The following EML6 variants were observed in gnomAD, a reference collection of about 807,000 sequenced individuals.
The protein encoded by EML6 is EMAP like 6.
A neutral mutation model predicts 240.1 loss-of-function variants in EML6; 154 were observed. The ratio of observed to expected loss-of-function variants is 0.64; its 90% CI spans 0.56 to 0.73. The LOEUF (loss-of-function observed/expected upper bound fraction) is 0.73, where lower values mean the gene tolerates loss of function less well. Ranked by LOEUF, EML6 falls within the 30% of genes least tolerant of loss-of-function variation. EML6 has a pLI of 0.00. For missense variants in EML6, 2,964 were observed against 2,474.6 expected (o/e 1.20, Z -4.20); for synonymous variants, 1,148 against 899.0 (o/e 1.28, Z -4.95).
Position 54,916,758 on chromosome 2 carries a change from G to C in EML6, c.3499-1G>C. On this transcript the variant is annotated splice_acceptor_variant, in intron 25 of 41. Coordinates refer to ENST00000356458, the MANE Select transcript of EML6 (RefSeq NM_001039753.4). LOFTEE classifies it high-confidence loss of function. Reference sequence around the variant, plus strand: ...TATCATTCTCTTTCGTTCTTTTTCAGATCGAGAAGATAGAGTGGGACACAT... The same window carrying C: ...TATCATTCTCTTTCGTTCTTTTTCACATCGAGAAGATAGAGTGGGACACAT... 3 of 1,485,448 alleles carry C rather than the reference G, an allele frequency of 2.0e-6. No homozygotes were observed. The highest frequency in any genetic ancestry group is 9.1e-7 in the Non-Finnish European group (1 of 1,103,660). The allele number at this position is 1,485,448 out of a possible 1,614,324, so 92.0% of individuals were successfully genotyped here.
rs556174100 is a variant in EML6, at chr2:54,889,925, G to C, written c.2439-1129G>C. On this transcript the variant is annotated intron_variant, in intron 17 of 41. Transcript: ENST00000356458. ...CAGTGTGTTCTATCTTTAAAGAAAA[G>C]ATAATGACACATAGCATGTTTGGAG... 1.8e-3 allele frequency among the ~76,000 whole-genome samples: 279 copies of C among 152,330 alleles called. 1 individual carries two copies. Among genetic ancestry groups the C allele is most frequent in the African/African-American group, 6.5e-3 (270 of 41,580 alleles).
At position 54,963,997 on chromosome 2, in the gene EML6, C is replaced by G; in HGVS notation, c.5169C>G (p.Asn1723Lys). Residue 1723 changes from asparagine (N) to lysine (K), a missense_variant, in exon 37 of 42, where the codon AAC becomes AAG. Transcript: ENST00000356458. ...IWDLADKKLLNKVSLGHAARC... is the reference protein window; with the variant it reads ...IWDLADKKLLKKVSLGHAARC... ...TTGCATCAATGTAGAAGCTGTTAAA[C>G]AAGGTGAGCTTGGGCCATGCGGCCA... 6.5e-7 allele frequency: 1 copy of G among 1,550,086 alleles called. No homozygotes were observed. Among genetic ancestry groups the G allele is most frequent in the African/African-American group, 1.4e-5 (1 of 73,060 alleles).
intron 40 of EML6, among the ~76,000 whole-genome samples, 176 bp from the exon 41 acceptor site, chr2:54,968,492 C>T (rs780384599): frequency 6.6e-6 from 1 of 152,090 alleles, no homozygotes; most frequent in Non-Finnish European, 1.5e-5. Context: ...TGAAGTGGGG[C>T]AAGGATGAGA....
At chr2:54,748,020 A>G (rs1027475224) in intron 2 of EML6, among the ~76,000 whole-genome samples, 2 of 152,182 alleles carry the variant, frequency 1.3e-5, no homozygotes, top group African/African-American at 2.4e-5. Context: ...TAAAATGTGC[A>G]AGGTATTCCA....
At chr2:54,841,007 C>G (rs1306976019) in intron 7 of EML6, among the ~76,000 whole-genome samples, 1 of 152,216 alleles carries the variant, frequency 6.6e-6, no homozygotes, top group Non-Finnish European at 1.5e-5. Flanking sequence ...CCTGCAGGAG[C>G]TGAGAAAAAC....
rs928137761 is a variant in EML6 at position 54,724,650 on chromosome 2, C to G, written c.-412C>G. 1 of 152,404 alleles carries G rather than the reference C, an allele frequency of 6.6e-6. No individual in the cohort carries two copies. 9.4% of individuals were successfully genotyped at this position (152,404 alleles called of 1,614,324 possible). ...TAAATCCCGCCGCCTGCCGCGAAGC[C>G]CCGGCGCACCGCAAACTTCAGTGAG... On this transcript the variant is annotated 5_prime_UTR_variant, in exon 2 of 42. Transcript: ENST00000356458. This position sits in a 1 kb window ranked among gnomAD's most constrained non-coding sequence, Gnocchi z 5.2.
intron 2 of EML6, among the ~76,000 whole-genome samples, chr2:54,727,655 T>G (rs1682970845): frequency 1.3e-5 from 2 of 152,264 alleles, no homozygotes; most frequent in Non-Finnish European, 2.9e-5. Flanking sequence ...GTTTTGGTTT[T>G]TTATTGAATC....
chr2:54,827,114 A>T (rs942866733), intron 5 of EML6, among the ~76,000 whole-genome samples: 1 of 152,230 alleles, frequency 6.6e-6, no homozygotes, highest in East Asian at 1.9e-4. Flanking sequence ...TAGAGGTTGC[A>T]GTGAGCTGAG....
chr2:54,907,065 G>C (rs1434181508), intron 24 of EML6, among the ~76,000 whole-genome samples: 1 of 152,182 alleles, frequency 6.6e-6, no homozygotes, highest in African/African-American at 2.4e-5. Flanking sequence ...CTGGGCTTTT[G>C]CAGGAACATC....
chr2:54,856,744 T>C (rs62136943), intron 11 of EML6, among the ~76,000 whole-genome samples: 29,483 of 152,100 alleles, frequency 0.19, 3,154 homozygotes, highest in African/African-American at 0.27. Flanking sequence ...CTACTAGAAA[T>C]CAGAGTCGTC....
At chr2:54,896,224 G>T (rs1672759495) in intron 21 of EML6, among the ~76,000 whole-genome samples, 1 of 152,104 alleles carries the variant, frequency 6.6e-6, no homozygotes. Flanking sequence ...GTCCAGGTGT[G>T]GAAGAAGTGC....
chr2:54,808,103 A>T (rs1230994326), intron 2 of EML6, among the ~76,000 whole-genome samples: 2 of 152,118 alleles, frequency 1.3e-5, no homozygotes, highest in Non-Finnish European at 2.9e-5. Context: ...AATGGCAATG[A>T]ATTTTGCTGT....
At chr2:54,965,333 A>T (rs1336834346) in intron 38 of EML6, among the ~76,000 whole-genome samples, 1 of 152,240 alleles carries the variant, frequency 6.6e-6, no homozygotes, top group Non-Finnish European at 1.5e-5. Flanking sequence ...GTATTTATTC[A>T]TTCAACTATT....
intron 26 of EML6, among the ~76,000 whole-genome samples, chr2:54,918,074 G>A (rs1674025857): frequency 6.6e-6 from 1 of 152,100 alleles, no homozygotes; most frequent in South Asian, 2.1e-4. Context: ...TTATCCCCAA[G>A]CCTGTACTTA....
At chr2:54,921,311 C>T (rs1375447822) in intron 26 of EML6, among the ~76,000 whole-genome samples, 5 of 152,006 alleles carry the variant, frequency 3.3e-5, no homozygotes, top group Admixed American at 6.6e-5. Flanking sequence ...TATACTTAGA[C>T]TATCTACAAA....
rs562837752 is a variant in EML6, at chr2:54,729,569, G to A, written c.197+4311G>A. Among the ~76,000 whole-genome samples the A allele has an allele frequency of 3.3e-5, 5 of 152,310 alleles. No homozygotes were observed. In the South Asian group the frequency reaches 8.3e-4, roughly 25 times the overall value. On this transcript the variant is annotated intron_variant, in intron 2 of 41. Transcript: ENST00000356458. ...GGGGAGGCAGCTGAGGCACAGAGAG[G>A]TTGAGGATCTTGCCTGTTGTCACTG...
At chr2:54,755,250 G>T (rs182050389) in intron 2 of EML6, among the ~76,000 whole-genome samples, 1 of 152,090 alleles carries the variant, frequency 6.6e-6, no homozygotes, top group Non-Finnish European at 1.5e-5. Context: ...TTGCACTGAC[G>T]CCACGCTGTT....
chr2:54,858,192 T>G (rs545299894), intron 11 of EML6, among the ~76,000 whole-genome samples: 11 of 152,208 alleles, frequency 7.2e-5, no homozygotes, highest in Non-Finnish European at 1.3e-4. Flanking sequence ...GTTCCTGCTG[T>G]GTGAGCCTCT....
chr2:54,812,856 TA>T (rs1484482963), intron 2 of EML6, among the ~76,000 whole-genome samples: 2 of 151,772 alleles, frequency 1.3e-5, no homozygotes, highest in South Asian at 4.2e-4. Flanking sequence ...TAACAACATT[TA>T]AAAAAAAATT....
Sources: gnomAD v4.1 joint callset for allele counts (sites outside exome capture counted in the v4.1 genomes callset) on GRCh38, gnomAD v4.1.1 for gene constraint, Gnocchi (gnomAD v3.1) non-coding constraint, MANE v1.5 for transcripts, NCBI Gene and HGNC (gene_info 2026-07-23, HGNC 2026-07-21) for gene names.